TEX11: variants seen among roughly 807,000 people sequenced by gnomAD.
TEX11 encodes testis expressed 11, also known as testis-expressed protein 11.
TEX11 carries 7 observed loss-of-function variants against 84.4 expected under a neutral mutation model. The ratio of observed to expected loss-of-function variants is 0.08; its 90% CI spans 0.05 to 0.16. The LOEUF is 0.16. Ranked by LOEUF, TEX11 falls within the 10% of genes least tolerant of loss-of-function variation. The pLI is 1.00. For missense variants in TEX11, 551 were observed against 660.5 expected, an observed-to-expected ratio of 0.83 and a Z score of 1.82; for synonymous variants, 264 against 222.8, an observed-to-expected ratio of 1.18 and a Z score of -1.64.
intron 25 of TEX11, among the ~76,000 whole-genome samples, chrX:70,568,748 G>T (rs1603080211): frequency 9.0e-6 from 1 of 111,515 alleles, no homozygotes. Flanking sequence ...CTCTCTTCTG[G>T]CTTTTAGAGT....
At chrX:70,861,632 A>G (rs1302480945) in intron 4 of TEX11, among the ~76,000 whole-genome samples, 1 of 109,149 alleles carries the variant, frequency 9.2e-6, no homozygotes, top group African/African-American at 3.3e-5. Flanking sequence ...ACGCCCAGCT[A>G]ATTTTTGTAT....
At chrX:70,821,438 T>C (rs984785538) in intron 8 of TEX11, among the ~76,000 whole-genome samples, 3 of 111,163 alleles carry the variant, frequency 2.7e-5, no homozygotes, top group African/African-American at 9.8e-5. Flanking sequence ...TGAGTTCTCA[T>C]GAGATTTAGT....
intron 11 of TEX11, among the ~76,000 whole-genome samples, chrX:70,737,604 A>G (rs1013161245): frequency 9.0e-6 from 1 of 111,093 alleles, no homozygotes; most frequent in Non-Finnish European, 1.9e-5. Context: ...TATATAAAAA[A>G]GAACAAACAT....
intron 10 of TEX11, among the ~76,000 whole-genome samples, chrX:70,741,740 G>A (rs748202979): frequency 1.8e-5 from 2 of 110,159 alleles, no homozygotes; most frequent in Non-Finnish European, 3.8e-5. Flanking sequence ...CTCCCATCTA[G>A]ATCCCTTGCC....
At chrX:70,737,847 T>C (rs954022475) in intron 11 of TEX11, among the ~76,000 whole-genome samples, 1 of 111,325 alleles carries the variant, frequency 9.0e-6, no homozygotes, top group Non-Finnish European at 1.9e-5. Context: ...TTGTGCACTA[T>C]AGATGGGAAT....
intron 13 of TEX11, among the ~76,000 whole-genome samples, chrX:70,720,761 A>G (rs986664985): frequency 3.2e-5 from 2 of 61,745 alleles, no homozygotes; most frequent in African/African-American, 8.3e-5. Context: ...TATATATTAT[A>G]TACATATATA....
chrX:70,795,593 G>C (rs1323995159), intron 9 of TEX11, among the ~76,000 whole-genome samples: 2 of 111,726 alleles, frequency 1.8e-5, no homozygotes, highest in Non-Finnish European at 3.8e-5. Flanking sequence ...GGCCACAGGG[G>C]TGCTTGTATC....
intron 2 of TEX11, among the ~76,000 whole-genome samples, chrX:70,885,238 AC>A (rs2091701941): frequency 8.9e-6 from 1 of 111,772 alleles, no homozygotes; most frequent in African/African-American, 3.2e-5. Flanking sequence ...TAACACAGGC[AC>A]CAACAGTGGG....
intron 9 of TEX11, among the ~76,000 whole-genome samples, chrX:70,753,223 G>A (rs1299275193): frequency 2.8e-5 from 3 of 105,670 alleles, no homozygotes; most frequent in East Asian, 3.0e-4. Flanking sequence ...CGAGGGGGGC[G>A]GGGAGGGCGT....
At chrX:70,880,498 T>C (rs779798174) in intron 2 of TEX11, among the ~76,000 whole-genome samples, 1 of 110,141 alleles carries the variant, frequency 9.1e-6, no homozygotes, top group South Asian at 3.9e-4. Flanking sequence ...AGTTCAAGGC[T>C]ACAGTGAGCT....
intron 9 of TEX11, among the ~76,000 whole-genome samples, chrX:70,756,296 G>C (rs2090867402): frequency 8.9e-6 from 1 of 112,164 alleles, no homozygotes; most frequent in African/African-American, 3.2e-5. Context: ...TTCAGAGAAC[G>C]GGCAGACTGC....
chrX:70,812,540 G>T (rs945528218), intron 8 of TEX11, among the ~76,000 whole-genome samples: 2 of 111,002 alleles, frequency 1.8e-5, no homozygotes, highest in African/African-American at 3.3e-5. Flanking sequence ...TGTAAGGAAG[G>T]GATCCAGTTT....
At chrX:70,606,928 A>G (rs765677814) in intron 23 of TEX11, 31 bp downstream of exon 23, 2 of 1,008,186 alleles carry the variant, frequency 2.0e-6, no homozygotes, top group Admixed American at 4.9e-5. Flanking sequence ...GTTGTGGTCC[A>G]TACATGAGAT....
chrX:70,532,571 A>G (rs970012942), intron 28 of TEX11, among the ~76,000 whole-genome samples: 2 of 110,852 alleles, frequency 1.8e-5, no homozygotes, highest in Non-Finnish European at 3.8e-5. Context: ...CCCCGTCTCT[A>G]CTAAAAATAC....
At chrX:70,659,072 G>A (rs377220059) in intron 16 of TEX11, among the ~76,000 whole-genome samples, 1 of 112,010 alleles carries the variant, frequency 8.9e-6, no homozygotes, top group Non-Finnish European at 1.9e-5. Flanking sequence ...ATGGATTAAA[G>A]GTGTAAACAT....
intron 13 of TEX11, among the ~76,000 whole-genome samples, chrX:70,711,800 C>T (rs1269466263): frequency 9.0e-6 from 1 of 111,414 alleles, no homozygotes; most frequent in Non-Finnish European, 1.9e-5. Flanking sequence ...TTAATTAGAT[C>T]CCATTTGTCA....
chrX:70,640,217 G>GA (rs1376148476), intron 17 of TEX11, among the ~76,000 whole-genome samples: 28 of 108,902 alleles, frequency 2.6e-4, no homozygotes, highest in Admixed American at 1.2e-3. Flanking sequence ...AAAGTTTAGA[G>GA]AAAAAAGAAT....
intron 16 of TEX11, among the ~76,000 whole-genome samples, chrX:70,669,452 A>G (rs2090004090): frequency 8.9e-6 from 1 of 112,442 alleles, no homozygotes; most frequent in Middle Eastern, 4.6e-3. Context: ...TAGATCTTAA[A>G]CTGTAGGTAA....
chrX:70,725,327 G>A lies in TEX11; in HGVS notation c.860C>T (p.Pro287Leu). Reference sequence around the variant, plus strand: ...GATTTTCATTTTTAAGAAAAGCCCAGGAGAACTTAAATGTTCCTATTTTAA... The same window carrying A: ...GATTTTCATTTTTAAGAAAAGCCCAAGAGAACTTAAATGTTCCTATTTTAA... ...NLANKEHLSS[P>L]GLFLKMKILL... Residue 287 changes from proline (P) to leucine (L), a missense_variant, in exon 12 of 30, where the codon CCT becomes CTT. Coordinates refer to ENST00000374333, the MANE Select transcript of TEX11 (RefSeq NM_031276.3). 8.5e-7 allele frequency: 1 copy of A among 1,181,497 alleles called. No individual in the cohort carries two copies. The highest frequency in any genetic ancestry group is 1.1e-6 in the Non-Finnish European group (1 of 873,618).
Sources: allele counts gnomAD v4.1 joint callset (sites outside exome capture counted in the v4.1 genomes callset), GRCh38; gene constraint gnomAD v4.1.1; transcripts MANE v1.5; gene names NCBI Gene and HGNC (gene_info 2026-07-23, HGNC 2026-07-21).